FYN: variants seen among roughly 807,000 people sequenced by gnomAD.
The protein encoded by FYN is tyrosine-protein kinase Fyn.
A neutral mutation model predicts 70.2 loss-of-function variants in FYN; 10 were observed. The observed-to-expected ratio is 0.14, with a 90% CI of 0.09 to 0.24. The LOEUF (loss-of-function observed/expected upper bound fraction) is 0.24. Ranked by LOEUF, FYN falls within the 10% of genes least tolerant of loss-of-function variation. The pLI, the probability that FYN is intolerant of heterozygous loss-of-function variation, is 1.00. For synonymous variants in FYN, 236 were observed against 248.6 expected (o/e 0.95, Z 0.48); for missense variants, 319 against 673.1 (o/e 0.47, Z 5.82).
chr6:111,812,102 T>C (rs1201530550), intron 2 of FYN, among the ~76,000 whole-genome samples: 1 of 152,196 alleles, frequency 6.6e-6, no homozygotes, highest in Non-Finnish European at 1.5e-5. Context: ...GTAAAGAGCC[T>C]TGTACATCCT....
intron 3 of FYN, among the ~76,000 whole-genome samples, chr6:111,741,267 A>G (rs1408209217): frequency 6.6e-6 from 1 of 152,166 alleles, no homozygotes; most frequent in Non-Finnish European, 1.5e-5. Context: ...TCCACTCATG[A>G]GAAAGAAAGC....
At chr6:111,701,795 C>G (rs997564306) in intron 8 of FYN, among the ~76,000 whole-genome samples, 7 of 152,152 alleles carry the variant, frequency 4.6e-5, no homozygotes, top group Non-Finnish European at 8.8e-5. Flanking sequence ...TTCCATTTCT[C>G]CCAAATGTTT....
chr6:111,787,317 T>C (rs779036230), intron 2 of FYN, among the ~76,000 whole-genome samples: 17 of 152,220 alleles, frequency 1.1e-4, no homozygotes, highest in East Asian at 7.7e-4. Context: ...ATTTATTAAA[T>C]AGGGAATCCT....
chr6:111,705,390 T>C (rs1277471155), intron 6 of FYN, among the ~76,000 whole-genome samples: 2 of 151,388 alleles, frequency 1.3e-5, no homozygotes, highest in Non-Finnish European at 2.9e-5. Flanking sequence ...TCTTCTTTTT[T>C]TTTTTTTTTT....
At chr6:111,748,040 T>C (rs1802309297) in intron 3 of FYN, among the ~76,000 whole-genome samples, 1 of 152,232 alleles carries the variant, frequency 6.6e-6, no homozygotes. Flanking sequence ...GAAAGCAAGA[T>C]GAAGACATAG....
At chr6:111,863,455 T>G (rs1369971324) in intron 1 of FYN, among the ~76,000 whole-genome samples, 2 of 152,264 alleles carry the variant, frequency 1.3e-5, no homozygotes, top group African/African-American at 4.8e-5. Context: ...GGTGTTTATT[T>G]GCCTTTTCAG....
intron 1 of FYN, among the ~76,000 whole-genome samples, chr6:111,853,158 T>C (rs1435675103): frequency 2.0e-5 from 3 of 152,184 alleles, no homozygotes; most frequent in Non-Finnish European, 4.4e-5. Flanking sequence ...CTAGAATTCA[T>C]ACTTCCAAGA....
intron 2 of FYN, among the ~76,000 whole-genome samples, chr6:111,800,544 A>G (rs1299417604): frequency 6.6e-6 from 1 of 152,216 alleles, no homozygotes; most frequent in Non-Finnish European, 1.5e-5. Flanking sequence ...CTATGATCTA[A>G]AACGGGAACG....
chr6:111,722,313 T>G (rs148090425), intron 3 of FYN, among the ~76,000 whole-genome samples: 2 of 152,204 alleles, frequency 1.3e-5, no homozygotes, highest in African/African-American at 2.4e-5. Flanking sequence ...GTGCCCAACA[T>G]GCTTTGTAAC....
At chr6:111,831,919 A>T (rs938840347) in intron 2 of FYN, among the ~76,000 whole-genome samples, 6 of 152,202 alleles carry the variant, frequency 3.9e-5, no homozygotes. Context: ...GGAAGAAAGA[A>T]TAAAGAATAA....
chr6:111,862,050 G>A (rs1468789980), intron 1 of FYN, among the ~76,000 whole-genome samples: 1 of 152,188 alleles, frequency 6.6e-6, no homozygotes, highest in East Asian at 1.9e-4. Context: ...GCTTTGTGAG[G>A]TCCAGGTGTG....
chr6:111,755,575 A>G (rs1802694977), intron 3 of FYN, among the ~76,000 whole-genome samples: 1 of 152,224 alleles, frequency 6.6e-6, no homozygotes, highest in Non-Finnish European at 1.5e-5. Flanking sequence ...AATATGCACT[A>G]AAGAAATTCA....
chr6:111,770,685 A>G (rs1803411077), intron 3 of FYN, among the ~76,000 whole-genome samples: 2 of 152,180 alleles, frequency 1.3e-5, no homozygotes, highest in Non-Finnish European at 2.9e-5. Context: ...TTCAAGTAGC[A>G]TAGTGCTGGC....
intron 2 of FYN, among the ~76,000 whole-genome samples, chr6:111,804,571 A>C (rs1772091635): frequency 6.6e-6 from 1 of 152,224 alleles, no homozygotes; most frequent in Non-Finnish European, 1.5e-5. Context: ...CATGCCCTAA[A>C]TTACGTCCAA....
chr6:111,686,415 C>T (rs1459403125), intron 12 of FYN, among the ~76,000 whole-genome samples: 2 of 152,128 alleles, frequency 1.3e-5, no homozygotes, highest in African/African-American at 2.4e-5. Flanking sequence ...GGCATTCTGT[C>T]GGGCAAGTCC....
intron 2 of FYN, among the ~76,000 whole-genome samples, chr6:111,816,762 G>C (rs771406176): frequency 2.6e-5 from 4 of 152,178 alleles, no homozygotes; most frequent in Non-Finnish European, 4.4e-5. Context: ...TTCAAAATGT[G>C]CCAACTCCTT....
chr6:111,682,052 A>G (rs1028364485), intron 12 of FYN, among the ~76,000 whole-genome samples: 3 of 152,220 alleles, frequency 2.0e-5, no homozygotes, highest in Non-Finnish European at 1.5e-5. Flanking sequence ...TTGGAGACAC[A>G]TATTTCTTCA....
intron 3 of FYN, among the ~76,000 whole-genome samples, chr6:111,778,486 G>A (rs1177517354): frequency 6.6e-6 from 1 of 151,960 alleles, no homozygotes; most frequent in East Asian, 1.9e-4. Context: ...TTCAATATAA[G>A]GACTAGATTG....
At chr6:111,779,351 T>C (rs1402291848) in intron 3 of FYN, among the ~76,000 whole-genome samples, 4 of 152,046 alleles carry the variant, frequency 2.6e-5, no homozygotes, top group East Asian at 1.9e-4. Flanking sequence ...AGCCCAGCAA[T>C]TGGATCCCTG....
Sources: allele counts gnomAD v4.1 joint callset (sites outside exome capture counted in the v4.1 genomes callset), GRCh38; gene constraint gnomAD v4.1.1; transcripts MANE v1.5; gene names NCBI Gene and HGNC (gene_info 2026-07-23, HGNC 2026-07-21).